The following DSE variants were observed in gnomAD, a reference collection of about 807,000 sequenced individuals.
The protein encoded by DSE is dermatan sulfate epimerase.
In DSE, 36 loss-of-function variants were observed where a neutral mutation model predicts 84.4. The ratio of observed to expected loss-of-function variants is 0.43; its 90% CI spans 0.33 to 0.56. The LOEUF (loss-of-function observed/expected upper bound fraction) is 0.56, where lower values mean the gene tolerates loss of function less well. DSE is among the 20% of genes least tolerant of loss of function. The probability of loss-of-function intolerance (pLI) is 0.06; values close to 1 mark genes in which losing one functional copy is unlikely to be tolerated. For synonymous variants in DSE, 410 were observed against 430.1 expected, an observed-to-expected ratio of 0.95 and a Z score of 0.58; for missense variants, 862 against 1,169.6, an observed-to-expected ratio of 0.74 and a Z score of 3.84.
chr6:116,437,907 T>G lies in DSE; in HGVS notation c.*562T>G, dbSNP rs187262543. On this transcript the variant is annotated 3_prime_UTR_variant, in exon 6 of 6. Transcript: ENST00000644252. The stretch of plus-strand genomic sequence containing the variant: ...TTTTACTACAGATCTGGATGGCTAT[T>G]CAGATAACATGGCAAAAAATGATAG... 1 of 152,260 alleles carries G rather than the reference T, an allele frequency of 6.6e-6. No homozygotes were observed. Among genetic ancestry groups the G allele is most frequent in the East Asian group, 1.9e-4 (1 of 5,190 alleles). 9.4% of individuals were successfully genotyped at this position (152,260 alleles called of 1,614,324 possible).
chr6:116,349,595 A>G (rs1050753944), intron 2 of DSE, among the ~76,000 whole-genome samples: 1 of 152,208 alleles, frequency 6.6e-6, no homozygotes, highest in African/African-American at 2.4e-5. Flanking sequence ...CCCACCTCAG[A>G]GATCAGCACT....
intron 2 of DSE, among the ~76,000 whole-genome samples, chr6:116,263,100 T>C (rs1459402617): frequency 1.3e-5 from 2 of 152,148 alleles, no homozygotes; most frequent in African/African-American, 2.4e-5. Flanking sequence ...TATTTTGGGG[T>C]GGAGAGTTCT....
intron 2 of DSE, among the ~76,000 whole-genome samples, chr6:116,403,087 GCA>G (rs1401942200): frequency 4.6e-5 from 7 of 152,106 alleles, no homozygotes; most frequent in Non-Finnish European, 1.0e-4. Context: ...AAAAATAACA[GCA>G]TGCATTTTTA....
At chr6:116,377,949 A>G (rs1340644677) in intron 1 of DSE, among the ~76,000 whole-genome samples, 2 of 152,104 alleles carry the variant, frequency 1.3e-5, no homozygotes, top group African/African-American at 4.8e-5. Context: ...GGACCTTTGC[A>G]GTTTGATGAT....
intron 2 of DSE, among the ~76,000 whole-genome samples, chr6:116,289,155 T>G (rs1185993817): frequency 1.3e-5 from 2 of 152,080 alleles, no homozygotes; most frequent in African/African-American, 4.8e-5. Context: ...TATGTGTAAT[T>G]AAATTAGTTA....
At chr6:116,379,494 G>A (rs1054277345) in intron 1 of DSE, among the ~76,000 whole-genome samples, 12 of 151,800 alleles carry the variant, frequency 7.9e-5, no homozygotes, top group African/African-American at 1.9e-4. Context: ...TAATTCTTCC[G>A]TAAGTTAGAG....
chr6:116,265,876 C>T (rs997262910), intron 2 of DSE, among the ~76,000 whole-genome samples: 1 of 152,214 alleles, frequency 6.6e-6, no homozygotes, highest in South Asian at 2.1e-4. Context: ...GATGCTCCCA[C>T]ATCAAACCCT....
At chr6:116,347,392 A>C (rs1778043983) in intron 2 of DSE, among the ~76,000 whole-genome samples, 1 of 151,036 alleles carries the variant, frequency 6.6e-6, no homozygotes, top group East Asian at 1.9e-4. Flanking sequence ...TACAGTAACC[A>C]AAACAGCATG....
At chr6:116,279,502 G>T in intron 2 of DSE, 1 of 1,610,592 alleles carries the variant, frequency 6.2e-7, no homozygotes. Flanking sequence ...CACAGAAGCG[G>T]CTGCCAGGCC....
chr6:116,368,053 T>G (rs1277776579), upstream of DSE, among the ~76,000 whole-genome samples: 3 of 152,224 alleles, frequency 2.0e-5, no homozygotes, highest in Non-Finnish European at 4.4e-5. Flanking sequence ...GTCATTTCCT[T>G]TGTTTTTTGA....
intron 1 of DSE, among the ~76,000 whole-genome samples, chr6:116,374,869 A>G (rs1487181397): frequency 1.3e-5 from 2 of 152,184 alleles, no homozygotes; most frequent in Non-Finnish European, 2.9e-5. Flanking sequence ...TCTAGGTCCT[A>G]CCTTTCAATA....
At chr6:116,326,002 G>T (rs1260036089) in intron 2 of DSE, among the ~76,000 whole-genome samples, 1 of 152,154 alleles carries the variant, frequency 6.6e-6, no homozygotes, top group Non-Finnish European at 1.5e-5. Flanking sequence ...AAACAGGACA[G>T]GGATTTTCAC....
At chr6:116,391,872 G>C (rs2114975812) in intron 1 of DSE, among the ~76,000 whole-genome samples, 1 of 151,966 alleles carries the variant, frequency 6.6e-6, no homozygotes, top group East Asian at 1.9e-4. Context: ...CGATTCTGCA[G>C]TACCAAAGCC....
Position 116,441,283 on chromosome 6 carries a change from A to G in DSE, c.*3938A>G, listed in dbSNP as rs1299310632. 2.0e-5 allele frequency: 3 copies of G among 152,224 alleles called. No homozygotes were observed. The highest frequency in any genetic ancestry group is 4.4e-5 in the Non-Finnish European group (3 of 68,032). The allele number at this position is 152,224 out of a possible 1,614,324, so 9.4% of individuals were successfully genotyped here. ...TGCATTATGACTTTTCTTCTTGCATATACAGTTTCCCTCTTGGTTTTGGGA... is the reference window on the plus strand; with the variant it reads ...TGCATTATGACTTTTCTTCTTGCATGTACAGTTTCCCTCTTGGTTTTGGGA... On this transcript the variant is annotated 3_prime_UTR_variant, in exon 6 of 6. Coordinates refer to ENST00000644252, the MANE Select transcript of DSE (RefSeq NM_013352.4).
intron 2 of DSE, among the ~76,000 whole-genome samples, chr6:116,297,306 A>G (rs971020562): frequency 6.6e-6 from 1 of 152,068 alleles, no homozygotes; most frequent in Non-Finnish European, 1.5e-5. Flanking sequence ...AACAACTCCA[A>G]TTCATGTTCT....
At chr6:116,292,852 G>GT (rs1352480376) in intron 2 of DSE, among the ~76,000 whole-genome samples, 3 of 152,168 alleles carry the variant, frequency 2.0e-5, no homozygotes, top group Admixed American at 2.0e-4. Context: ...AGACCAATAA[G>GT]TATATGCTAA....
chr6:116,343,343 C>G (rs1421754278), intron 2 of DSE, among the ~76,000 whole-genome samples: 1 of 152,206 alleles, frequency 6.6e-6, no homozygotes, highest in African/African-American at 2.4e-5. Context: ...GACAGACTGC[C>G]TCCTCAAGTG....
At chr6:116,375,398 G>A in intron 1 of DSE, 1 of 236,798 alleles carries the variant, frequency 4.2e-6, no homozygotes. Flanking sequence ...TAGCTACTTG[G>A]GAGGCTGAGA....
chr6:116,407,827 T>C (rs1782033898), intron 2 of DSE, among the ~76,000 whole-genome samples: 1 of 152,244 alleles, frequency 6.6e-6, no homozygotes, highest in Non-Finnish European at 1.5e-5. Context: ...CATTTTTTTC[T>C]AGAATTTTGT....
Sources: allele counts gnomAD v4.1 joint callset (sites outside exome capture counted in the v4.1 genomes callset), GRCh38; gene constraint gnomAD v4.1.1; transcripts MANE v1.5; gene names NCBI Gene and HGNC (gene_info 2026-07-23, HGNC 2026-07-21).